Variants in ZNF516 observed in about 807,000 individuals in gnomAD.
ZNF516 encodes the protein zinc finger protein 516.
ZNF516 carries 19 observed loss-of-function variants against 79.7 expected under a neutral mutation model. The ratio of observed to expected loss-of-function variants is 0.24; its 90% CI spans 0.17 to 0.35. The LOEUF (loss-of-function observed/expected upper bound fraction) is 0.35. Among genes scored for constraint, ZNF516 ranks in the 10% least tolerant of loss-of-function variants. ZNF516 has a pLI of 1.00. For missense variants in ZNF516, 1,678 were observed against 1,679.5 expected, an observed-to-expected ratio of 1.00 and a Z score of 0.02; for synonymous variants, 877 against 739.5, an observed-to-expected ratio of 1.19 and a Z score of -3.02.
intron 3 of ZNF516, among the ~76,000 whole-genome samples, chr18:76,427,044 G>A (rs188620619): frequency 3.3e-5 from 5 of 152,340 alleles, no homozygotes; most frequent in Admixed American, 3.3e-4. Flanking sequence ...GGACTGCAAA[G>A]GTGAGGATCA....
chr18:76,396,506 CA>C (rs1568257246), intron 3 of ZNF516, among the ~76,000 whole-genome samples: 5 of 152,066 alleles, frequency 3.3e-5, no homozygotes, highest in African/African-American at 9.7e-5. Flanking sequence ...GACTAGTTAA[CA>C]AAAAACTGGA....
At chr18:76,435,192 G>C (rs887971785) in intron 3 of ZNF516, among the ~76,000 whole-genome samples, 1 of 152,168 alleles carries the variant, frequency 6.6e-6, no homozygotes, top group African/African-American at 2.4e-5. Context: ...ATGTCTGCCT[G>C]ATGTTTGTTT....
At chr18:76,397,117 C>G (rs2075158376) in intron 3 of ZNF516, among the ~76,000 whole-genome samples, 1 of 152,218 alleles carries the variant, frequency 6.6e-6, no homozygotes, top group African/African-American at 2.4e-5. Context: ...TGCAGCCCAT[C>G]AGGAAGCCAC....
intron 1 of ZNF516, among the ~76,000 whole-genome samples, chr18:76,468,014 G>A (rs142697269): frequency 9.7e-4 from 148 of 152,238 alleles, no homozygotes; most frequent in Non-Finnish European, 1.4e-3. Flanking sequence ...ACGGCCTTGC[G>A]GGACTCCCTG....
rs1434240927 is a variant in ZNF516, at chr18:76,362,549, G to T, written c.3441C>A (p.Asp1147Glu). The change falls in exon 7 of 7, where the codon GAC becomes GAA. Residue 1147 changes from aspartate (D) to glutamate (E), a missense_variant. Physicochemically the swap from Asp to Glu is conservative, Grantham distance 45 (BLOSUM62 2). This residue lies in a region of ZNF516 where 1,294 missense variants were observed against 1,248.3 expected (regional missense o/e 1.04). Transcript: ENST00000443185. The part of the protein sequence containing the change: ...TSADAPKQGR[D>E]HSNTGTVQTV... ...TCTGGACGGTACCTGTGTTAGAATG[G>T]TCTCTCCCCTGGGTGAGAAAAAGGA... 10 of 1,611,344 alleles carry T rather than the reference G, an allele frequency of 6.2e-6. No homozygotes were observed. The highest frequency in any genetic ancestry group is 7.6e-6 in the Non-Finnish European group (9 of 1,177,792).
At chr18:76,405,062 G>C (rs919637727) in intron 3 of ZNF516, among the ~76,000 whole-genome samples, 1 of 152,130 alleles carries the variant, frequency 6.6e-6, no homozygotes, top group Admixed American at 6.5e-5. Flanking sequence ...CCCATTGCAG[G>C]CACAAGCTAG....
At position 76,441,643 on chromosome 18, in the gene ZNF516, G is replaced by A. The variant is rs1034624359; in HGVS notation, c.1412C>T (p.Pro471Leu). 6.5e-7 allele frequency: 1 copy of A among 1,531,106 alleles called. No homozygotes were observed. Among genetic ancestry groups the A allele is most frequent in the Non-Finnish European group, 8.8e-7 (1 of 1,139,608 alleles). 94.8% of individuals were successfully genotyped at this position (1,531,106 alleles called of 1,614,324 possible). A position where few individuals can be genotyped will look rare whatever the true frequency, so the allele number is the denominator to read the frequency against. The change falls in exon 3 of 7, where the codon CCA (proline) becomes CTA (leucine). Residue 471 changes from proline to leucine, a missense_variant. Physicochemically the swap from Pro to Leu is moderately conservative, Grantham distance 98. Coordinates refer to ENST00000443185, the MANE Select transcript of ZNF516 (RefSeq NM_014643.4). ...QEKRKREQDAPAAQGPPRKRA... is the reference protein window; with the variant it reads ...QEKRKREQDALAAQGPPRKRA... ...CTTCCGCGGGGGCCCCTGCGCGGCT[G>A]GTGCATCCTGCTCACGCTTGCGCTT...
rs1568223979 is a variant in ZNF516, at chr18:76,360,649, ATAT to A, written c.*1846_*1848del. Reference sequence around the variant, plus strand: ...AAAATAAGTAAAAAAAAAAAAAAATATATATATATATATATATATATATATATA... The same window carrying A: ...AAAATAAGTAAAAAAAAAAAAAAATAATATATATATATATATATATATATA... On this transcript the variant is annotated 3_prime_UTR_variant, in exon 7 of 7. Coordinates refer to ENST00000443185, the MANE Select transcript of ZNF516 (RefSeq NM_014643.4). The A allele has an allele frequency of 6.9e-4, 65 of 94,410 alleles. No homozygotes were observed. The highest frequency in any genetic ancestry group is 3.3e-3 in the East Asian group (10 of 3,032). The allele number at this position is 94,410 out of a possible 1,614,324, so 5.8% of individuals were successfully genotyped here.
At chr18:76,482,723 A>G (rs1306282953) in intron 1 of ZNF516, among the ~76,000 whole-genome samples, 2 of 152,226 alleles carry the variant, frequency 1.3e-5, no homozygotes, top group Non-Finnish European at 2.9e-5. Flanking sequence ...TTACGTGCAC[A>G]CTTCATTCTC....
chr18:76,420,753 AC>A (rs1236602119), intron 3 of ZNF516, among the ~76,000 whole-genome samples: 11 of 152,192 alleles, frequency 7.2e-5, no homozygotes, highest in African/African-American at 2.2e-4. Flanking sequence ...ATAAAAAAAA[AC>A]AAACAGTATT....
intron 3 of ZNF516, among the ~76,000 whole-genome samples, chr18:76,416,401 T>C (rs1430914342): frequency 6.6e-6 from 1 of 152,230 alleles, no homozygotes; most frequent in Non-Finnish European, 1.5e-5. Context: ...TCGCCCATGC[T>C]TTACACCATG....
chr18:76,440,022 C>T (rs3737386), intron 3 of ZNF516, among the ~76,000 whole-genome samples: 3,563 of 152,298 alleles, frequency 0.023, 56 homozygotes, highest in Middle Eastern at 0.034. Context: ...CCTGCTCCTC[C>T]CACGGGGACC....
chr18:76,374,017 C>A (rs1184848338), intron 4 of ZNF516, among the ~76,000 whole-genome samples: 1 of 152,222 alleles, frequency 6.6e-6, no homozygotes, highest in Non-Finnish European at 1.5e-5. Flanking sequence ...CAGAGAGGGA[C>A]ACCCAGCCCT....
intron 3 of ZNF516, among the ~76,000 whole-genome samples, chr18:76,397,657 G>C (rs1413819912): frequency 6.6e-6 from 1 of 152,188 alleles, no homozygotes; most frequent in East Asian, 1.9e-4. Context: ...GAGTGCACTG[G>C]TGCAATCACA....
At position 76,414,918 on chromosome 18, in the gene ZNF516, C is replaced by T. The variant is rs2075413972; in HGVS notation, c.1810+26327G>A. Among the ~76,000 whole-genome samples, 3 of 152,380 alleles carry T rather than the reference C, an allele frequency of 2.0e-5. No homozygotes were observed. In the South Asian group the frequency reaches 6.2e-4, roughly 32 times the overall value. ...TAATACAAAAAAATAGTAGTTTACA[C>T]TGGATGCGGTGGCTCACGCCTGTAA... On this transcript the variant is annotated intron_variant, in intron 3 of 6. Coordinates refer to ENST00000443185, the MANE Select transcript of ZNF516 (RefSeq NM_014643.4).
At chr18:76,465,086 G>C (rs1913377508) in intron 1 of ZNF516, among the ~76,000 whole-genome samples, 2 of 152,220 alleles carry the variant, frequency 1.3e-5, no homozygotes. Context: ...GCAGCTCAAG[G>C]CTGGCATGCA....
chr18:76,492,071 G>T, intron 1 of ZNF516: 6 of 803,178 alleles, frequency 7.5e-6, no homozygotes, highest in Non-Finnish European at 9.0e-6. Flanking sequence ...CCCGCGCATG[G>T]ACGAGGTCCC....
intron 3 of ZNF516, among the ~76,000 whole-genome samples, chr18:76,395,564 G>A (rs1449228738): frequency 6.6e-6 from 1 of 152,078 alleles, no homozygotes; most frequent in Non-Finnish European, 1.5e-5. Flanking sequence ...CAGCCTCAGG[G>A]GCAGGTACGG....
At chr18:76,479,190 C>T (rs773328711) in intron 1 of ZNF516, among the ~76,000 whole-genome samples, 3 of 152,110 alleles carry the variant, frequency 2.0e-5, no homozygotes, top group Non-Finnish European at 4.4e-5. Context: ...CACATGACTT[C>T]GGGATGTTTG....
Sources: allele counts gnomAD v4.1 joint callset (sites outside exome capture counted in the v4.1 genomes callset), GRCh38; gene constraint gnomAD v4.1.1; regional missense constraint gnomAD v4.1.1; transcripts MANE v1.5; gene names NCBI Gene and HGNC (gene_info 2026-07-23, HGNC 2026-07-21).